Variants in PTPRD observed in about 807,000 individuals in gnomAD.
PTPRD encodes the protein protein tyrosine phosphatase receptor type D.
A neutral mutation model predicts 214.5 loss-of-function variants in PTPRD; 34 were observed. The ratio of observed to expected loss-of-function variants is 0.16; its 90% confidence interval spans 0.12 to 0.21. PTPRD has a LOEUF of 0.21. Among genes scored for constraint, PTPRD ranks in the 10% least tolerant of loss-of-function variants. The pLI is 1.00. For synonymous variants in PTPRD, 1,128 were observed against 845.7 expected, an observed-to-expected ratio of 1.33 and a Z score of -5.79; for missense variants, 2,545 against 2,398.7, an observed-to-expected ratio of 1.06 and a Z score of -1.27.
chr9:9,682,953 C>A (rs561151656), intron 7 of PTPRD, among the ~76,000 whole-genome samples: 1 of 151,760 alleles, frequency 6.6e-6, no homozygotes, highest in African/African-American at 2.4e-5. Flanking sequence ...AACTGATGAA[C>A]AAGATATGTA....
At chr9:8,975,168 A>T (rs2099261652) in intron 11 of PTPRD, among the ~76,000 whole-genome samples, 1 of 151,854 alleles carries the variant, frequency 6.6e-6, no homozygotes, top group South Asian at 2.1e-4. Context: ...AAGGGAATGG[A>T]TACATATTGA....
chr9:9,791,947 G>C (rs2098970420), intron 5 of PTPRD, among the ~76,000 whole-genome samples: 1 of 151,716 alleles, frequency 6.6e-6, no homozygotes, highest in Admixed American at 6.6e-5. Flanking sequence ...GTCTACTAAG[G>C]ACACATATTT....
intron 6 of PTPRD, among the ~76,000 whole-genome samples, chr9:9,766,291 C>T (rs1278833518): frequency 1.3e-5 from 2 of 152,110 alleles, no homozygotes; most frequent in Non-Finnish European, 2.9e-5. Context: ...CTTGAACTAT[C>T]CCCCCTATCT....
rs529075185 is a variant in PTPRD at position 8,316,617 on chromosome 9, T to TTAA, written c.*1254_*1256dup. Reference sequence around the variant, plus strand: ...TCCCACATGCACACCTCTTAGCTATTTAATAATAATTTTTATTGCACTAGA... The same window carrying TTAA: ...TCCCACATGCACACCTCTTAGCTATTTAATAATAATAATTTTTATTGCACTAGA... On this transcript the variant is annotated 3_prime_UTR_variant, in exon 46 of 46. Coordinates refer to ENST00000381196, the MANE Select transcript of PTPRD (RefSeq NM_002839.4). 4.4e-4 allele frequency: 101 copies of TTAA among 230,734 alleles called. No individual in the cohort carries two copies. Among genetic ancestry groups the TTAA allele is most frequent in the African/African-American group, 2.1e-3 (97 of 45,238 alleles). The allele number at this position is 230,734 out of a possible 1,614,324, so 14.3% of individuals were successfully genotyped here.
intron 8 of PTPRD, among the ~76,000 whole-genome samples, chr9:9,417,974 T>C (rs1304446786): frequency 6.6e-6 from 1 of 152,108 alleles, no homozygotes; most frequent in Non-Finnish European, 1.5e-5. Flanking sequence ...CATCTGATTT[T>C]GGTTTCACCT....
intron 12 of PTPRD, among the ~76,000 whole-genome samples, chr9:8,655,274 C>G (rs1334585914): frequency 1.3e-5 from 2 of 152,158 alleles, no homozygotes; most frequent in African/African-American, 2.4e-5. Context: ...ACAACTTCTG[C>G]TTTCCTCCCC....
chr9:9,068,615 A>G (rs1431463054), intron 10 of PTPRD, among the ~76,000 whole-genome samples: 1 of 151,456 alleles, frequency 6.6e-6, no homozygotes, highest in Admixed American at 6.6e-5. Context: ...TTTACAAAAA[A>G]TTTTCTTTTT....
chr9:10,137,710 A>T lies in PTPRD; in HGVS notation c.-544-103920T>A, dbSNP rs1450815334. Among the ~76,000 whole-genome samples the T allele has an allele frequency of 2.7e-5, 4 of 150,740 alleles. 2 individuals are homozygous for T. The highest frequency in any genetic ancestry group is 9.7e-5 in the African/African-American group (4 of 41,116). On this transcript the variant is annotated intron_variant, in intron 3 of 45. Coordinates refer to ENST00000381196, the MANE Select transcript of PTPRD (RefSeq NM_002839.4). Reference sequence around the variant, plus strand: ...AAAACTTAGAGTATAATAAAAAAAAAAAAAAAAAAAAGAAATCATAACCAA... The same window carrying T: ...AAAACTTAGAGTATAATAAAAAAAATAAAAAAAAAAAGAAATCATAACCAA...
chr9:10,079,768 T>G (rs995794611), intron 3 of PTPRD, among the ~76,000 whole-genome samples: 1 of 152,168 alleles, frequency 6.6e-6, no homozygotes, highest in Non-Finnish European at 1.5e-5. Context: ...ACCTTTGTGA[T>G]GTATACTCAG....
chr9:8,935,554 C>T (rs1458001030), intron 11 of PTPRD, among the ~76,000 whole-genome samples: 5 of 152,070 alleles, frequency 3.3e-5, no homozygotes, highest in African/African-American at 1.2e-4. Flanking sequence ...CCTTCACAAA[C>T]ATACTAAATA....
intron 5 of PTPRD, among the ~76,000 whole-genome samples, chr9:9,789,861 A>C (rs1157715495): frequency 6.6e-6 from 1 of 151,936 alleles, no homozygotes; most frequent in Non-Finnish European, 1.5e-5. Flanking sequence ...ACAAGTGCAA[A>C]TCAAACTTAA....
intron 9 of PTPRD, among the ~76,000 whole-genome samples, chr9:9,213,684 G>A (rs1199158444): frequency 1.3e-5 from 2 of 152,140 alleles, no homozygotes; most frequent in South Asian, 2.1e-4. Context: ...ATCAAACAGT[G>A]TCCCTGAATA....
At chr9:10,244,573 A>T (rs912716005) in intron 3 of PTPRD, among the ~76,000 whole-genome samples, 16 of 134,914 alleles carry the variant, frequency 1.2e-4, no homozygotes, top group African/African-American at 3.8e-4. Context: ...GAGGAAAAAA[A>T]TTCCTCTTGA....
intron 12 of PTPRD, among the ~76,000 whole-genome samples, chr9:8,647,130 T>G (rs186887178): frequency 3.3e-5 from 5 of 152,224 alleles, no homozygotes; most frequent in Non-Finnish European, 7.3e-5. Flanking sequence ...TGTATCATCA[T>G]AGGACTGAAG....
chr9:9,439,545 T>A (rs188468562), intron 8 of PTPRD, among the ~76,000 whole-genome samples: 32 of 152,272 alleles, frequency 2.1e-4, no homozygotes, highest in Admixed American at 2.0e-3. Flanking sequence ...CAACAGCATG[T>A]GAGTAAACAC....
chr9:9,441,331 G>C (rs553001860), intron 8 of PTPRD, among the ~76,000 whole-genome samples: 4 of 152,266 alleles, frequency 2.6e-5, no homozygotes, highest in Admixed American at 6.5e-5. Flanking sequence ...AGTAAATTAA[G>C]TTTGAACTAG....
intron 2 of PTPRD, among the ~76,000 whole-genome samples, chr9:10,501,042 G>C (rs1176507473): frequency 6.6e-6 from 1 of 151,954 alleles, no homozygotes; most frequent in Non-Finnish European, 1.5e-5. Flanking sequence ...TCCTTAATTT[G>C]GGGTATATGC....
chr9:9,922,224 G>A (rs1297647486), intron 5 of PTPRD, among the ~76,000 whole-genome samples: 3 of 152,102 alleles, frequency 2.0e-5, no homozygotes, highest in Non-Finnish European at 2.9e-5. Context: ...TTCTAAGGTG[G>A]TTGCTCTCTC....
At chr9:8,633,259 A>G (rs1364858173) in intron 14 of PTPRD, 58 bp downstream of exon 14, 1 of 1,577,120 alleles carries the variant, frequency 6.3e-7, no homozygotes, top group Non-Finnish European at 8.6e-7. Context: ...ATGATGCTAC[A>G]AAAGAGATAC....
Sources: allele counts gnomAD v4.1 joint callset (sites outside exome capture counted in the v4.1 genomes callset), GRCh38; gene constraint gnomAD v4.1.1; transcripts MANE v1.5; gene names NCBI Gene and HGNC (gene_info 2026-07-23, HGNC 2026-07-21).